Variants in STAB2 observed in about 807,000 individuals in gnomAD.
The protein encoded by STAB2 is stabilin-2.
Under a neutral mutation model 338.1 loss-of-function variants are expected in STAB2, and 288 were observed. The ratio of observed to expected loss-of-function variants is 0.85; its 90% confidence interval spans 0.77 to 0.94. STAB2 has a LOEUF of 0.94. STAB2 is among the 40% of genes least tolerant of loss of function. STAB2 has a pLI of 0.00. For missense variants in STAB2, 3,141 were observed against 3,210.1 expected (o/e 0.98, Z 0.52); for synonymous variants, 1,202 against 1,193.3 (o/e 1.01, Z -0.15).
At chr12:103,670,922 T>C in intron 22 of STAB2, 115 bp downstream of exon 22, 1 of 771,058 alleles carries the variant, frequency 1.3e-6, no homozygotes, top group South Asian at 1.6e-5. Context: ...GGTTACACCA[T>C]CATCACAGAG....
At chr12:103,690,574 A>T (rs779607561) in intron 30 of STAB2, 36 bp downstream of exon 30, 1 of 1,563,182 alleles carries the variant, frequency 6.4e-7, no homozygotes, top group Non-Finnish European at 8.8e-7. Context: ...TACTTGAAAC[A>T]TAACAGCTTT....
At chr12:103,623,582 C>G (rs1327102488) in intron 5 of STAB2, among the ~76,000 whole-genome samples, 1 of 152,148 alleles carries the variant, frequency 6.6e-6, no homozygotes, top group African/African-American at 2.4e-5. Flanking sequence ...TGGGTGGCCT[C>G]TCGAGGCTGG....
intron 58 of STAB2, among the ~76,000 whole-genome samples, chr12:103,747,613 T>C (rs990892037): frequency 2.0e-5 from 3 of 152,206 alleles, no homozygotes; most frequent in African/African-American, 4.8e-5. Context: ...AATCTCATCA[T>C]TGGTCATGCC....
At chr12:103,655,674 T>C (rs1008523787) in intron 15 of STAB2, 93 bp downstream of exon 15, 1 of 1,510,072 alleles carries the variant, frequency 6.6e-7, no homozygotes, top group Admixed American at 1.9e-5. Context: ...AGATAGTAAA[T>C]AAGTTGTACA....
chr12:103,594,354 T>C (rs750873770), intron 2 of STAB2, 41 bp from the exon 3 acceptor site: 10 of 1,482,554 alleles, frequency 6.7e-6, no homozygotes, highest in South Asian at 1.1e-5. Flanking sequence ...GTAACTGCAT[T>C]GCTCTTATCG....
chr12:103,590,458 T>G (rs1445927085), intron 1 of STAB2, among the ~76,000 whole-genome samples: 1 of 152,214 alleles, frequency 6.6e-6, no homozygotes, highest in Non-Finnish European at 1.5e-5. Flanking sequence ...CAGACATTCC[T>G]GTGGAATCAA....
At chr12:103,633,630 C>T (rs1450213031) in intron 6 of STAB2, among the ~76,000 whole-genome samples, 1 of 151,796 alleles carries the variant, frequency 6.6e-6, no homozygotes, top group Non-Finnish European at 1.5e-5. Flanking sequence ...TGTGGTGAGC[C>T]GAGATCACAC....
chr12:103,650,329 C>T (rs1406585197), intron 10 of STAB2, among the ~76,000 whole-genome samples, 167 bp from the exon 11 acceptor site: 1 of 152,158 alleles, frequency 6.6e-6, no homozygotes, highest in Admixed American at 6.5e-5. Flanking sequence ...GGGTGCCTTA[C>T]ATTCTTAGAG....
At chr12:103,763,209 C>CTAACCAGCTGGTTAGCCA (rs1566087473) in intron 67 of STAB2, 4 of 335,602 alleles carry the variant, frequency 1.2e-5, no homozygotes, top group Admixed American at 4.4e-5. Flanking sequence ...CCCTGGGTGG[C>CTAACCAGCTGGTTAGCCA]AGGCACCAGC....
chr12:103,731,792 T>C (rs1378083086), intron 50 of STAB2, among the ~76,000 whole-genome samples, 157 bp downstream of exon 50: 1 of 152,230 alleles, frequency 6.6e-6, no homozygotes, highest in East Asian at 1.9e-4. Flanking sequence ...AGTCATTCTC[T>C]GCCACTCCCT....
chr12:103,607,014 G>T (rs10861052), intron 3 of STAB2, among the ~76,000 whole-genome samples: 1 of 151,530 alleles, frequency 6.6e-6, no homozygotes, highest in Non-Finnish European at 1.5e-5. Context: ...AAACAAAAAC[G>T]AAAAAAAAGA....
rs769261035 is a variant in STAB2 at position 103,708,495 on chromosome 12, G to C, written c.4247G>C (p.Cys1416Ser). 8.1e-6 allele frequency: 13 copies of C among 1,614,098 alleles called. No individual in the cohort carries two copies. The highest frequency in any genetic ancestry group is 1.3e-5 in the African/African-American group (1 of 75,060). The change falls in exon 39 of 69, where the codon TGT (cysteine) becomes TCT (serine). Residue 1416 changes from cysteine to serine, a missense_variant. Physicochemically the swap from Cys to Ser is moderately radical, Grantham distance 112. Transcript: ENST00000388887. ...CNQGPLGDGS[C>S]DCDVGWRGVH... ...CAAGGACCCTTGGGAGATGGCTCCT[G>C]TGACTGTGATGTTGGCTGGCGAGGA...
At chr12:103,724,691 A>G (rs898308472) in intron 44 of STAB2, among the ~76,000 whole-genome samples, 5 of 152,286 alleles carry the variant, frequency 3.3e-5, no homozygotes, top group African/African-American at 1.2e-4. Context: ...TAATACCTGG[A>G]TGCTGAGAAA....
rs1881638895 is a variant in STAB2, at chr12:103,731,560, CTTA to C, written c.5224-11_5224-9del. The C allele has an allele frequency of 6.2e-7, 1 of 1,613,338 alleles. No homozygotes were observed. On this transcript the variant is annotated splice_polypyrimidine_tract_variant and intron_variant, in intron 49 of 68. Coordinates refer to ENST00000388887, the MANE Select transcript of STAB2 (RefSeq NM_017564.10). ...TATAAGGAAAAGTTTCATGCCCATT[CTTA>C]TTATCTTTGCAGCAAAATCTTACGA...
At chr12:103,708,296 TTG>T in intron 38 of STAB2, 143 bp from the exon 39 acceptor site, 1 of 734,678 alleles carries the variant, frequency 1.4e-6, no homozygotes, top group African/African-American at 1.8e-5. Context: ...CCTGCCCTTT[TTG>T]TGATTCAAGA....
rs200493377 is a variant in STAB2 at position 103,755,427 on chromosome 12, C to T, written c.6840C>T (p.Asn2280=). 245 of 1,614,014 alleles carry T rather than the reference C, an allele frequency of 1.5e-4. No individual in the cohort carries two copies. Among genetic ancestry groups the T allele is most frequent in the Non-Finnish European group, 2.0e-4 (234 of 1,180,026 alleles). Residue 2280 remains asparagine, a synonymous_variant, in exon 62 of 69, where the codon AAC becomes AAT. Transcript: ENST00000388887. ...TAGTGGACTATGGACCTAGACCCAA[C>T]AAGAGTGAAATGTGGGATGTCTTCT... ...VGIVDYGPRP[N]KSEMWDVFCY... is the part of the protein sequence containing the mutation.
intron 59 of STAB2, among the ~76,000 whole-genome samples, chr12:103,749,872 A>AAAAAAAAAAAAAAAAG (rs58406423): frequency 7.6e-6 from 1 of 131,480 alleles, no homozygotes; most frequent in Non-Finnish European, 1.6e-5. Context: ...AAAAAAAAAA[A>AAAAAAAAAAAAAAAAG]GCTGGTAAGA....
At position 103,735,427 on chromosome 12, in the gene STAB2, C is replaced by T; in HGVS notation, c.5461-64C>T. 3 of 1,265,244 alleles carry T rather than the reference C, an allele frequency of 2.4e-6. No homozygotes were observed. The South Asian group carries it at 4.5e-5, about 19-fold the overall frequency. 78.4% of individuals were successfully genotyped at this position (1,265,244 alleles called of 1,614,324 possible). ...CTGAATTTGGTTTTTTGGTAAAGCT[C>T]CTTCGGGCCGTCCCTTCTTCGGCCC... On this transcript the variant is annotated intron_variant, in intron 51 of 68. Transcript: ENST00000388887.
chr12:103,753,328 A>G lies in STAB2; in HGVS notation c.6689A>G (p.Tyr2230Cys). ...AACGAAGCTGCGACCATGGCAACCT[A>G]CAACCAGCTCTCCTATGCCCAGAAG... ...CANEAATMAT[Y>C]NQLSYAQKAK... Residue 2230 changes from tyrosine (Y) to cysteine (C), a missense_variant, in exon 61 of 69, where the codon TAC becomes TGC. Coordinates refer to ENST00000388887, the MANE Select transcript of STAB2 (RefSeq NM_017564.10). The G allele has an allele frequency of 6.2e-7, 1 of 1,614,220 alleles. No individual in the cohort carries two copies. The highest frequency in any genetic ancestry group is 8.5e-7 in the Non-Finnish European group (1 of 1,180,036).
Sources: gnomAD v4.1 joint callset for allele counts (sites outside exome capture counted in the v4.1 genomes callset) on GRCh38, gnomAD v4.1.1 for gene constraint, MANE v1.5 for transcripts, NCBI Gene and HGNC (gene_info 2026-07-23, HGNC 2026-07-21) for gene names.